Variants in NRIP3 observed in about 807,000 individuals in gnomAD.
NRIP3 encodes nuclear receptor-interacting protein 3.
NRIP3 carries 31 observed loss-of-function variants against 29.0 expected under a neutral mutation model. That is an observed-to-expected ratio of 1.07 (90% confidence interval 0.80 to 1.44). The LOEUF (loss-of-function observed/expected upper bound fraction) is 1.44, where lower values mean the gene tolerates loss of function less well. Ranked by LOEUF, NRIP3 falls within the 40% of genes most tolerant of loss-of-function variation. The pLI, the probability that NRIP3 is intolerant of heterozygous loss-of-function variation, is 0.00. For missense variants in NRIP3, 314 were observed against 297.9 expected (o/e 1.05, Z -0.40); for synonymous variants, 131 against 118.3 (o/e 1.11, Z -0.70).
intron 1 of NRIP3, among the ~76,000 whole-genome samples, chr11:8,998,536 TCA>T: frequency 6.6e-6 from 1 of 152,276 alleles, no homozygotes; most frequent in East Asian, 1.9e-4. Context: ...CCATACCATC[TCA>T]CAGTCAGCTG....
Position 9,003,998 on chromosome 11 carries a change from C to T in NRIP3, c.-63G>A. On this transcript the variant is annotated 5_prime_UTR_variant, in exon 1 of 7. Coordinates refer to ENST00000309166, the MANE Select transcript of NRIP3 (RefSeq NM_020645.3). ...CGGCAGCCTCAGCCTCGAGCTCCTC[C>T]AGCGCCGCAAGGGCCCCGAGCCGCG... The T allele has an allele frequency of 2.9e-6, 4 of 1,385,958 alleles. No homozygotes were observed. The East Asian group carries it at 9.4e-5, about 32-fold the overall frequency. 85.9% of individuals were successfully genotyped at this position (1,385,958 alleles called of 1,614,324 possible). A position where few individuals can be genotyped will look rare whatever the true frequency, so the allele number is the denominator to read the frequency against.
In NRIP3 at chr11:8,984,135, C is replaced by G. The variant is rs375498302; in HGVS notation, c.563-11G>C. The G allele has an allele frequency of 4.4e-6, 7 of 1,594,054 alleles. No individual in the cohort carries two copies. The East Asian group carries it at 1.3e-4, about 31-fold the overall frequency. ...TTTTCTCATTGTCATCTAATAAAAA[C>G]AAAAAAATGATTAAGATTTAGCCAT... is the stretch of plus-strand genomic sequence containing the variant. On this transcript the variant is annotated splice_polypyrimidine_tract_variant and intron_variant, in intron 4 of 6. Transcript: ENST00000309166.
chr11:8,988,000 G>T, intron 2 of NRIP3, 118 bp downstream of exon 2: 2 of 873,720 alleles, frequency 2.3e-6, no homozygotes, highest in Non-Finnish European at 3.6e-6. Flanking sequence ...TGCATGGAGT[G>T]CCCCTTTTAA....
Position 8,981,437 on chromosome 11 carries a change from C to G in NRIP3, c.*2108G>C, listed in dbSNP as rs1468964279. 1 of 143,536 alleles carries G rather than the reference C, an allele frequency of 7.0e-6. No homozygotes were observed. The highest frequency in any genetic ancestry group is 1.5e-5 in the Non-Finnish European group (1 of 67,152). 8.9% of individuals were successfully genotyped at this position (143,536 alleles called of 1,614,324 possible). A position where few individuals can be genotyped will look rare whatever the true frequency, so the allele number is the denominator to read the frequency against. ...GAACCGAGATCGTGCCACTGCACTC[C>G]AGCCTGGGCAACAGAGTGAGACTCT... On this transcript the variant is annotated 3_prime_UTR_variant, in exon 7 of 7. Coordinates refer to ENST00000309166, the MANE Select transcript of NRIP3 (RefSeq NM_020645.3).
intron 1 of NRIP3, among the ~76,000 whole-genome samples, chr11:8,997,375 A>AGAAAG (rs58254315): frequency 2.3e-5 from 3 of 131,294 alleles, no homozygotes; most frequent in Non-Finnish European, 5.0e-5. Context: ...AAAAAAAAAA[A>AGAAAG]AAAGAAAGAA....
At chr11:9,003,289 G>C (rs1799767936) in intron 1 of NRIP3, among the ~76,000 whole-genome samples, 1 of 152,252 alleles carries the variant, frequency 6.6e-6, no homozygotes, top group Admixed American at 6.5e-5. Context: ...TGCATAGGGG[G>C]ACAATGGATT....
chr11:9,000,293 G>T (rs1034785517), intron 1 of NRIP3, among the ~76,000 whole-genome samples: 1 of 152,244 alleles, frequency 6.6e-6, no homozygotes, highest in South Asian at 2.1e-4. Flanking sequence ...CCAGATCTTG[G>T]TGTTATACTG....
chr11:8,987,859 T>G (rs959804366), intron 2 of NRIP3, among the ~76,000 whole-genome samples: 2 of 152,230 alleles, frequency 1.3e-5, no homozygotes, highest in African/African-American at 4.8e-5. Context: ...AGGTGTTTCA[T>G]GCTATACACC....
Position 9,003,928 on chromosome 11 carries a change from T to TAAA in NRIP3, c.5_7dup (p.Phe2dup). The TAAA allele has an allele frequency of 6.7e-7, 1 of 1,497,456 alleles. No individual in the cohort carries two copies. The highest frequency in any genetic ancestry group is 8.9e-7 in the Non-Finnish European group (1 of 1,122,114). 92.8% of individuals were successfully genotyped at this position (1,497,456 alleles called of 1,614,324 possible). A position where few individuals can be genotyped will look rare whatever the true frequency, so the allele number is the denominator to read the frequency against. The stretch of plus-strand genomic sequence containing the variant: ...GCCGCCCTCAGTGAGGAGCCCTGAG[T>TAAA]AAAACATCGCTGAGGCGCCGGCGGC... On this transcript the variant is annotated inframe_insertion, in exon 1 of 7. Transcript: ENST00000309166.
At chr11:8,989,862 C>G (rs1056067855) in intron 1 of NRIP3, among the ~76,000 whole-genome samples, 3 of 152,158 alleles carry the variant, frequency 2.0e-5, no homozygotes, top group African/African-American at 7.2e-5. Flanking sequence ...TTACCAGGAC[C>G]AACTCAGATA....
intron 1 of NRIP3, among the ~76,000 whole-genome samples, chr11:8,991,196 G>C (rs1333510861): frequency 1.3e-5 from 2 of 152,050 alleles, no homozygotes; most frequent in Non-Finnish European, 1.5e-5. Context: ...AGCTACTTGG[G>C]AGGCTGAGGC....
chr11:8,991,098 G>A (rs1468368312), intron 1 of NRIP3, among the ~76,000 whole-genome samples: 1 of 152,090 alleles, frequency 6.6e-6, no homozygotes, highest in Non-Finnish European at 1.5e-5. Context: ...TCAGGAGATG[G>A]AGACCATTCT....
intron 1 of NRIP3, among the ~76,000 whole-genome samples, chr11:9,001,473 CCT>C (rs1452530356): frequency 6.6e-6 from 1 of 152,178 alleles, no homozygotes; most frequent in Non-Finnish European, 1.5e-5. Flanking sequence ...ACTAATTTCT[CCT>C]CTCTCTTCCT....
At chr11:8,988,089 C>T in intron 2 of NRIP3, 29 bp downstream of exon 2, 1 of 1,608,236 alleles carries the variant, frequency 6.2e-7, no homozygotes, top group Non-Finnish European at 8.5e-7. Context: ...TTCCAGAAAA[C>T]CCTGGAAAAG....
chr11:8,998,784 ATT>A (rs767253373), intron 1 of NRIP3, among the ~76,000 whole-genome samples: 9 of 77,600 alleles, frequency 1.2e-4, no homozygotes, highest in Admixed American at 3.1e-4. Flanking sequence ...CAAACTCTTC[ATT>A]TTTTTTTTTT....
chr11:8,998,469 G>A (rs1438870861), intron 1 of NRIP3, among the ~76,000 whole-genome samples: 2 of 152,198 alleles, frequency 1.3e-5, no homozygotes, highest in Non-Finnish European at 2.9e-5. Context: ...CAGATAACCT[G>A]TAAAATTCTT....
chr11:8,981,600 A>C lies in NRIP3; in HGVS notation c.*1945T>G, dbSNP rs978472112. On this transcript the variant is annotated 3_prime_UTR_variant, in exon 7 of 7. Coordinates refer to ENST00000309166, the MANE Select transcript of NRIP3 (RefSeq NM_020645.3). Reference sequence around the variant, plus strand: ...AGCTTTACTTCAACTTAGTACCAGGATAAGAGGCAGGCCAAAGTATTGCCA... The same window carrying C: ...AGCTTTACTTCAACTTAGTACCAGGCTAAGAGGCAGGCCAAAGTATTGCCA... 1 of 152,248 alleles carries C rather than the reference A, an allele frequency of 6.6e-6. No homozygotes were observed. Among genetic ancestry groups the C allele is most frequent in the South Asian group, 2.1e-4 (1 of 4,822 alleles). The allele number at this position is 152,248 out of a possible 1,614,324, so 9.4% of individuals were successfully genotyped here. A position where few individuals can be genotyped will look rare whatever the true frequency, so the allele number is the denominator to read the frequency against.
intron 1 of NRIP3, among the ~76,000 whole-genome samples, chr11:8,993,459 A>C (rs1854644568): frequency 6.6e-6 from 1 of 152,232 alleles, no homozygotes; most frequent in Non-Finnish European, 1.5e-5. Flanking sequence ...TGTTAGTATA[A>C]TAGAAGAGTG....
upstream of NRIP3, chr11:9,004,013 C>A (rs897722947): frequency 5.3e-6 from 7 of 1,325,536 alleles, no homozygotes; most frequent in African/African-American, 1.1e-4. Flanking sequence ...CCGCAAGGGC[C>A]CCGAGCCGCG....
Sources: allele counts gnomAD v4.1 joint callset (sites outside exome capture counted in the v4.1 genomes callset), GRCh38; gene constraint gnomAD v4.1.1; transcripts MANE v1.5; gene names NCBI Gene and HGNC (gene_info 2026-07-23, HGNC 2026-07-21).